The following DRGX variants were observed in gnomAD, a reference collection of about 807,000 sequenced individuals.
DRGX encodes dorsal root ganglia homeobox, also known as dorsal root ganglia homeobox protein.
In DRGX, 21 loss-of-function variants were observed where a neutral mutation model predicts 28.6. That is an observed-to-expected ratio of 0.73 (90% CI 0.52 to 1.06). The LOEUF (loss-of-function observed/expected upper bound fraction) is 1.06, where lower values mean the gene tolerates loss of function less well. Ranked by LOEUF, DRGX falls within the 50% of genes least tolerant of loss-of-function variation. The pLI is 0.00. For synonymous variants in DRGX, 136 were observed against 139.1 expected (o/e 0.98, Z 0.16); for missense variants, 354 against 343.9 (o/e 1.03, Z -0.23).
chr10:49,392,471 G>A (rs1849917462), intron 2 of DRGX, among the ~76,000 whole-genome samples: 1 of 152,164 alleles, frequency 6.6e-6, no homozygotes. Flanking sequence ...TTTCTCTCCA[G>A]CTCATTGGAA....
In DRGX at chr10:49,391,193, G is replaced by T; in HGVS notation, c.103C>A (p.Arg35=). Reference sequence around the variant, plus strand: ...TGAAGAGTGAACGTCGTCCGGTTCCGGCGCTGTTTTCTACGCAGAAACCCG... The same window carrying T: ...TGAAGAGTGAACGTCGTCCGGTTCCTGCGCTGTTTTCTACGCAGAAACCCG... ...DDGFLRRKQR[R]NRTTFTLQQL... The change falls in exon 3 of 7, where the codon CGG becomes AGG. Residue 35 remains arginine, a synonymous_variant. Transcript: ENST00000374139. The T allele has an allele frequency of 6.2e-7, 1 of 1,613,132 alleles. No homozygotes were observed. The highest frequency in any genetic ancestry group is 8.5e-7 in the Non-Finnish European group (1 of 1,179,612).
At chr10:49,374,150 T>C (rs1849693107) in intron 6 of DRGX, among the ~76,000 whole-genome samples, 1 of 152,156 alleles carries the variant, frequency 6.6e-6, no homozygotes, top group Non-Finnish European at 1.5e-5. Flanking sequence ...GGTAATCTCC[T>C]TGGGGTTTGT....
At position 49,365,816 on chromosome 10, in the gene DRGX, C is replaced by T. The variant is rs141546357; in HGVS notation, c.*300G>A. The T allele has an allele frequency of 2.1e-3, 632 of 300,570 alleles. 2 individuals are homozygous for T. Among genetic ancestry groups the T allele is most frequent in the African/African-American group, 0.012 (547 of 46,494 alleles). The allele number at this position is 300,570 out of a possible 1,614,324, so 18.6% of individuals were successfully genotyped here. On this transcript the variant is annotated 3_prime_UTR_variant, in exon 7 of 7. Coordinates refer to ENST00000374139, the MANE Select transcript of DRGX (RefSeq NM_001276451.2). ...GACGGATGAGGAATCTACCTCCCTC[C>T]GAGACTCTGGGCCTGGATGGAAATC... is the stretch of plus-strand genomic sequence containing the variant.
chr10:49,390,364 A>T, intron 3 of DRGX, 130 bp from the exon 4 acceptor site: 2 of 770,754 alleles, frequency 2.6e-6, no homozygotes. Flanking sequence ...GGACAGGGAG[A>T]AGAGAGCTCT....
intron 6 of DRGX, among the ~76,000 whole-genome samples, chr10:49,380,022 G>A (rs147757250): frequency 2.8e-4 from 42 of 152,316 alleles, no homozygotes; most frequent in South Asian, 1.2e-3. Context: ...ACTGTTCTCT[G>A]GCCTCGGGCT....
intron 6 of DRGX, among the ~76,000 whole-genome samples, chr10:49,384,638 A>T (rs1051632327): frequency 6.6e-6 from 1 of 152,198 alleles, no homozygotes; most frequent in African/African-American, 2.4e-5. Flanking sequence ...ACGTTCACTC[A>T]GGCCAGTTGG....
At chr10:49,366,627 T>C (rs1203015689) in intron 6 of DRGX, among the ~76,000 whole-genome samples, 1 of 152,258 alleles carries the variant, frequency 6.6e-6, no homozygotes, top group African/African-American at 2.4e-5. Context: ...GCCAAGCAGC[T>C]GTGTGGCCTT....
intron 6 of DRGX, among the ~76,000 whole-genome samples, chr10:49,370,596 T>G (rs927262642): frequency 6.6e-6 from 1 of 151,960 alleles, no homozygotes; most frequent in Non-Finnish European, 1.5e-5. Flanking sequence ...TGAAGGGAGG[T>G]CCTCAGAGGC....
intron 6 of DRGX, among the ~76,000 whole-genome samples, chr10:49,371,227 C>T (rs890147517): frequency 6.6e-6 from 1 of 152,214 alleles, no homozygotes; most frequent in Non-Finnish European, 1.5e-5. Context: ...TTCATGGACC[C>T]TGAACACTGC....
chr10:49,388,502 C>T (rs1564709290), intron 4 of DRGX, among the ~76,000 whole-genome samples: 1 of 152,206 alleles, frequency 6.6e-6, no homozygotes, highest in Non-Finnish European at 1.5e-5. Context: ...TTTAATTGCA[C>T]ATATCAGCAA....
chr10:49,391,035 A>G, intron 3 of DRGX, 129 bp downstream of exon 3: 1 of 1,082,008 alleles, frequency 9.2e-7, no homozygotes, highest in East Asian at 2.6e-5. Context: ...TAAGTTGTTC[A>G]AGAAAACAGA....
intron 2 of DRGX, among the ~76,000 whole-genome samples, chr10:49,394,474 G>T (rs917862710): frequency 2.0e-5 from 3 of 152,200 alleles, no homozygotes; most frequent in African/African-American, 7.2e-5. Flanking sequence ...CCAAATGCCA[G>T]TCCGACGGTT....
Position 49,385,705 on chromosome 10 carries a change from G to GA in DRGX, c.526+772dup, listed in dbSNP as rs200071229. On this transcript the variant is annotated intron_variant, in intron 6 of 6. Transcript: ENST00000374139. ...GTGTGTCTCCTACTTCCTATTATCA[G>GA]AAAAAAAAGCCTACAGCCTGCACCT... Among the ~76,000 whole-genome samples, 58 of 151,624 alleles carry GA rather than the reference G, an allele frequency of 3.8e-4. No individual in the cohort carries two copies. The East Asian group carries it at 8.4e-3, about 22-fold the overall frequency.
intron 6 of DRGX, among the ~76,000 whole-genome samples, chr10:49,368,555 C>T (rs779164975): frequency 2.0e-5 from 3 of 152,246 alleles, no homozygotes; most frequent in Non-Finnish European, 2.9e-5. Context: ...TGGGAGATGA[C>T]AGCTTTTGCT....
intron 1 of DRGX, 82 bp from the exon 2 acceptor site, chr10:49,395,603 C>A: frequency 2.4e-6 from 2 of 818,868 alleles, no homozygotes; most frequent in South Asian, 1.6e-5. Flanking sequence ...CGGCGCTCCC[C>A]TCCTGGAAAG....
rs536712744 is a variant in DRGX at position 49,387,664 on chromosome 10, A to C, written c.235-806T>G. 2.1e-4 allele frequency among the ~76,000 whole-genome samples: 11 copies of C among 52,142 alleles called. 1 individual carries two copies. The highest frequency in any genetic ancestry group is 2.7e-3 in the South Asian group (2 of 750). 34.2% of individuals were successfully genotyped at this position (52,142 alleles called of 152,430 possible). A position where few individuals can be genotyped will look rare whatever the true frequency, so the allele number is the denominator to read the frequency against. On this transcript the variant is annotated intron_variant, in intron 4 of 6. Coordinates refer to ENST00000374139, the MANE Select transcript of DRGX (RefSeq NM_001276451.2). ...GGTGACACAGTGAGACTCCATCACA[A>C]AAAAAAAAAAAAAGACAGAAAGAAA...
intron 6 of DRGX, among the ~76,000 whole-genome samples, chr10:49,378,368 C>T (rs553556117): frequency 6.6e-6 from 1 of 152,274 alleles, no homozygotes; most frequent in Non-Finnish European, 1.5e-5. Flanking sequence ...CATGAGATGT[C>T]CACAGTCTGC....
At chr10:49,376,436 G>C (rs559593698) in intron 6 of DRGX, among the ~76,000 whole-genome samples, 1 of 152,128 alleles carries the variant, frequency 6.6e-6, no homozygotes, top group Non-Finnish European at 1.5e-5. Context: ...CCTATGTGCT[G>C]TCCACACACC....
intron 6 of DRGX, among the ~76,000 whole-genome samples, chr10:49,382,936 G>A (rs1172552514): frequency 1.3e-5 from 2 of 152,134 alleles, no homozygotes; most frequent in African/African-American, 4.8e-5. Context: ...AGGGACCCCG[G>A]GGAGAATTGA....
Sources: allele counts gnomAD v4.1 joint callset (sites outside exome capture counted in the v4.1 genomes callset), GRCh38; gene constraint gnomAD v4.1.1; transcripts MANE v1.5; gene names NCBI Gene and HGNC (gene_info 2026-07-23, HGNC 2026-07-21).